The following MYT1L variants were observed in gnomAD, a reference collection of about 807,000 sequenced individuals.
MYT1L encodes the protein myelin transcription factor 1-like protein.
In MYT1L, 12 loss-of-function variants were observed where a neutral mutation model predicts 126.7. That is an observed-to-expected ratio of 0.09 (90% CI 0.06 to 0.15). MYT1L has a LOEUF of 0.15. Ranked by LOEUF, MYT1L falls within the 10% of genes least tolerant of loss-of-function variation. The probability of loss-of-function intolerance (pLI) is 1.00; values close to 1 mark genes in which losing one functional copy is unlikely to be tolerated. For missense variants in MYT1L, 979 were observed against 1,585.2 expected (o/e 0.62, Z 6.49); for synonymous variants, 541 against 604.2 (o/e 0.90, Z 1.53).
At chr2:2,080,114 TCC>T (rs1312756286) in intron 3 of MYT1L, among the ~76,000 whole-genome samples, 1 of 152,174 alleles carries the variant, frequency 6.6e-6, no homozygotes, top group Non-Finnish European at 1.5e-5. Context: ...CAACTGGGTA[TCC>T]ACATACAAAT....
intron 8 of MYT1L, among the ~76,000 whole-genome samples, chr2:1,969,492 G>A (rs770139939): frequency 6.6e-6 from 1 of 152,176 alleles, no homozygotes; most frequent in Non-Finnish European, 1.5e-5. Context: ...CCAGATTGCC[G>A]GTGCCAGCCT....
intron 2 of MYT1L, among the ~76,000 whole-genome samples, chr2:2,175,955 G>C (rs1243597229): frequency 6.6e-6 from 1 of 152,186 alleles, no homozygotes; most frequent in Non-Finnish European, 1.5e-5. Flanking sequence ...CTGTACTATG[G>C]AGTACATAGC....
chr2:2,130,531 C>T (rs1036275464), intron 3 of MYT1L, among the ~76,000 whole-genome samples: 4 of 152,134 alleles, frequency 2.6e-5, no homozygotes, highest in Non-Finnish European at 4.4e-5. Flanking sequence ...AACCCACATT[C>T]ATGTTGATGG....
chr2:1,912,150 C>G lies in MYT1L; in HGVS notation c.1619-40G>C, dbSNP rs763672003. On this transcript the variant is annotated intron_variant, in intron 11 of 24. Coordinates refer to ENST00000647738, the MANE Select transcript of MYT1L (RefSeq NM_001303052.2). The surrounding 1 kb of genome is among the most constrained non-coding windows in gnomAD (Gnocchi z 4.3). ...GCAAAGAGAACAGCCAGTGTTAAAA[C>G]AGAGGCACGGTTAGGGCACATGAAA... 7.6e-6 allele frequency: 11 copies of G among 1,441,908 alleles called. No individual in the cohort carries two copies. Among genetic ancestry groups the G allele is most frequent in the African/African-American group, 5.6e-5 (4 of 71,390 alleles). 89.3% of individuals were successfully genotyped at this position (1,441,908 alleles called of 1,614,324 possible).
At chr2:2,021,092 G>A (rs1052730379) in intron 4 of MYT1L, among the ~76,000 whole-genome samples, 13 of 152,200 alleles carry the variant, frequency 8.5e-5, no homozygotes, top group African/African-American at 2.9e-4. Flanking sequence ...ACGGTCTCCC[G>A]GAGGGGCTGC....
At chr2:1,938,053 A>G (rs2116652) in intron 9 of MYT1L, among the ~76,000 whole-genome samples, 70,109 of 152,128 alleles carry the variant, frequency 0.46, 18,118 homozygotes, top group African/African-American at 0.7. Context: ...CCAGAAACAG[A>G]GCATTTAAAG....
chr2:1,985,860 C>G (rs892753548), intron 5 of MYT1L, among the ~76,000 whole-genome samples: 1 of 152,188 alleles, frequency 6.6e-6, no homozygotes, highest in African/African-American at 2.4e-5. Context: ...AATTCGAGCA[C>G]GGCACCAAGG....
chr2:1,816,905 C>T (rs2037749471), intron 21 of MYT1L: 1 of 152,312 alleles, frequency 6.6e-6, no homozygotes. Context: ...TTGGTTCCGT[C>T]CCAGGGTGGA....
chr2:2,225,900 A>G lies in MYT1L; in HGVS notation c.-420-52912T>C, dbSNP rs149885123. 6.1e-3 allele frequency among the ~76,000 whole-genome samples: 932 copies of G among 152,260 alleles called. 10 individuals carry two copies. The highest frequency in any genetic ancestry group is 0.021 in the African/African-American group (876 of 41,552). Reference sequence around the variant, plus strand: ...GTAGGAACTTTCCTAGCTGCACTTTACAGATGAGAAAACTGCCACGAGTAT... The same window carrying G: ...GTAGGAACTTTCCTAGCTGCACTTTGCAGATGAGAAAACTGCCACGAGTAT... On this transcript the variant is annotated intron_variant, in intron 2 of 24. Transcript: ENST00000647738.
chr2:2,306,429 G>A (rs2149565370), intron 1 of MYT1L, among the ~76,000 whole-genome samples: 1 of 152,208 alleles, frequency 6.6e-6, no homozygotes, highest in Middle Eastern at 3.4e-3. Context: ...TCAAATAGGA[G>A]TCTGGACGTC....
At chr2:1,971,797 T>C (rs2059829457) in intron 8 of MYT1L, among the ~76,000 whole-genome samples, 1 of 152,040 alleles carries the variant, frequency 6.6e-6, no homozygotes, top group Non-Finnish European at 1.5e-5. Flanking sequence ...GCAAATCCTA[T>C]GGGTACTCAG....
At chr2:2,100,898 C>T (rs1411160992) in intron 3 of MYT1L, among the ~76,000 whole-genome samples, 1 of 152,174 alleles carries the variant, frequency 6.6e-6, no homozygotes, top group African/African-American at 2.4e-5. Context: ...ATATTTTCCA[C>T]ATTTTGATGG....
Position 1,979,602 on chromosome 2 carries a change from A to T in MYT1L, c.56-48T>A, listed in dbSNP as rs2304008. Reference sequence around the variant, plus strand: ...AAAAATTTACCATCTATCACAAGCGACCCTCTTCCACAGAAAATTACCAAA... The same window carrying T: ...AAAAATTTACCATCTATCACAAGCGTCCCTCTTCCACAGAAAATTACCAAA... On this transcript the variant is annotated intron_variant, in intron 6 of 24. Transcript: ENST00000647738. The surrounding 1 kb of genome is among the most constrained non-coding windows in gnomAD (Gnocchi z 4.0). The T allele has an allele frequency of 3.7e-6, 6 of 1,605,346 alleles. No homozygotes were observed. In the Admixed American group the frequency reaches 1.0e-4, roughly 27 times the overall value.
chr2:2,087,617 G>A (rs2076486377), intron 3 of MYT1L, among the ~76,000 whole-genome samples: 1 of 152,164 alleles, frequency 6.6e-6, no homozygotes, highest in Admixed American at 6.5e-5. Flanking sequence ...ATAAGAGCTT[G>A]GTCCTAAATA....
intron 21 of MYT1L, chr2:1,827,379 T>C (rs1262227172): frequency 1.3e-5 from 2 of 152,174 alleles, no homozygotes; most frequent in Non-Finnish European, 1.5e-5. Flanking sequence ...AGGTATGCCA[T>C]TGAAACATGC....
At chr2:2,127,288 C>T (rs765438907) in intron 3 of MYT1L, among the ~76,000 whole-genome samples, 8 of 152,286 alleles carry the variant, frequency 5.3e-5, no homozygotes, top group African/African-American at 1.4e-4. Flanking sequence ...TGCAGGTACA[C>T]GTGTGCAATT....
At chr2:2,284,827 C>A (rs1321156762) in intron 1 of MYT1L, among the ~76,000 whole-genome samples, 3 of 152,042 alleles carry the variant, frequency 2.0e-5, no homozygotes, top group African/African-American at 4.8e-5. Context: ...CCTCAGCCTC[C>A]CAAGTAGCTG....
In MYT1L at chr2:2,305,225, T is replaced by A. The variant is rs143935801; in HGVS notation, c.-520-20722A>T. ...ATTGAAGAAAAGCCCAGGCATTTAA[T>A]GTAAAGGATACTACAAATTCCAGTT... On this transcript the variant is annotated intron_variant, in intron 1 of 24. Transcript: ENST00000647738. Among the ~76,000 whole-genome samples the A allele has an allele frequency of 2.0e-3, 305 of 152,306 alleles. 1 individual carries two copies. The highest frequency in any genetic ancestry group is 6.0e-3 in the African/African-American group (248 of 41,568).
At chr2:1,827,640 G>A (rs1361684660) in intron 21 of MYT1L, 1 of 152,186 alleles carries the variant, frequency 6.6e-6, no homozygotes, top group Non-Finnish European at 1.5e-5. Context: ...TGATGATGTG[G>A]AATTTGGAAT....
Sources: gnomAD v4.1 joint callset for allele counts (sites outside exome capture counted in the v4.1 genomes callset) on GRCh38, gnomAD v4.1.1 for gene constraint, Gnocchi (gnomAD v3.1) non-coding constraint, MANE v1.5 for transcripts, NCBI Gene and HGNC (gene_info 2026-07-23, HGNC 2026-07-21) for gene names.